Variants in NUDT13 observed in about 807,000 individuals in gnomAD.
The protein encoded by NUDT13 is NAD(P)H pyrophosphatase NUDT13, mitochondrial.
In NUDT13, 40 loss-of-function variants were observed where a neutral mutation model predicts 41.7. That is an observed-to-expected ratio of 0.96 (90% CI 0.75 to 1.25). The LOEUF is 1.25. NUDT13 is among the 50% of genes most tolerant of loss of function. NUDT13 has a pLI of 0.00. For missense variants in NUDT13, 390 were observed against 416.1 expected, an observed-to-expected ratio of 0.94 and a Z score of 0.55; for synonymous variants, 145 against 155.5, an observed-to-expected ratio of 0.93 and a Z score of 0.50.
At chr10:73,120,272 G>T in intron 3 of NUDT13, 115 bp downstream of exon 3, 7 of 1,058,096 alleles carry the variant, frequency 6.6e-6, no homozygotes, top group Non-Finnish European at 9.3e-6. Flanking sequence ...TTTTCAGAAA[G>T]CTTTTGAGTC....
intron 7 of NUDT13, 44 bp from the exon 8 acceptor site, chr10:73,126,616 GTCTGTATCACCCT>G: frequency 6.3e-7 from 1 of 1,579,772 alleles, no homozygotes; most frequent in Non-Finnish European, 8.6e-7. Flanking sequence ...CAAATGGGCT[GTCTGTATCACCCT>G]TCTAGCCTAC....
chr10:73,121,886 A>G (rs1018239253), intron 3 of NUDT13, among the ~76,000 whole-genome samples: 4 of 152,128 alleles, frequency 2.6e-5, no homozygotes, highest in African/African-American at 7.2e-5. Flanking sequence ...ACTATCATGC[A>G]TCTTACTAAC....
At position 73,126,742 on chromosome 10, in the gene NUDT13, A is replaced by G. The variant is rs544490016; in HGVS notation, c.773A>G (p.Gln258Arg). ...GTGGGATTGGAGGTGGAAAGCCTGC[A>G]GTACTATGCATCCCAGCATTGGCCC... ...EEVGLEVESL[Q>R]YYASQHWPFP... is the part of the protein sequence containing the mutation. The change falls in exon 8 of 9, where the codon CAG (glutamine) becomes CGG (arginine). Residue 258 changes from glutamine (Q) to arginine (R), a missense_variant. Physicochemically the swap from Gln to Arg is conservative, Grantham distance 43. Coordinates refer to ENST00000357321, the MANE Select transcript of NUDT13 (RefSeq NM_015901.6). The G allele has an allele frequency of 1.9e-6, 3 of 1,614,130 alleles. No homozygotes were observed. The African/African-American group carries it at 4.0e-5, about 22-fold the overall frequency.
chr10:73,117,425 C>T (rs949039739), intron 2 of NUDT13, among the ~76,000 whole-genome samples: 15 of 151,124 alleles, frequency 9.9e-5, no homozygotes, highest in African/African-American at 2.9e-4. Flanking sequence ...GGTGTGGTGG[C>T]GGGCACCTGT....
chr10:73,129,086 T>C (rs1393377017), intron 8 of NUDT13, among the ~76,000 whole-genome samples: 2 of 152,086 alleles, frequency 1.3e-5, no homozygotes, highest in African/African-American at 4.8e-5. Context: ...ATTGGTCTTA[T>C]TGCTCAAGTC....
intron 8 of NUDT13, among the ~76,000 whole-genome samples, chr10:73,129,469 C>T (rs1379666662): frequency 1.3e-5 from 2 of 151,964 alleles, no homozygotes; most frequent in Non-Finnish European, 1.5e-5. Flanking sequence ...CCACCATGCC[C>T]GGCTAGACAT....
Position 73,126,749 on chromosome 10 carries a change from T to C in NUDT13, c.780T>C (p.Tyr260=), listed in dbSNP as rs1037442100. 6.2e-7 allele frequency: 1 copy of C among 1,614,168 alleles called. No individual in the cohort carries two copies. Among genetic ancestry groups the C allele is most frequent in the East Asian group, 2.2e-5 (1 of 44,888 alleles). Residue 260 remains tyrosine, a synonymous_variant, in exon 8 of 9, where the codon TAT becomes TAC. Transcript: ENST00000357321. ...TGGAGGTGGAAAGCCTGCAGTACTATGCATCCCAGCATTGGCCCTTCCCTA... is the reference window on the plus strand; with the variant it reads ...TGGAGGTGGAAAGCCTGCAGTACTACGCATCCCAGCATTGGCCCTTCCCTA... ...VGLEVESLQY[Y]ASQHWPFPSG...
At chr10:73,113,487 G>C (rs1363789569) in intron 1 of NUDT13, among the ~76,000 whole-genome samples, 1 of 152,036 alleles carries the variant, frequency 6.6e-6, no homozygotes, top group East Asian at 1.9e-4. Flanking sequence ...TAATCTCCTA[G>C]AGTGCTTTGC....
At position 73,114,457 on chromosome 10, in the gene NUDT13, T is replaced by C; in HGVS notation, c.83+9T>C. On this transcript the variant is annotated intron_variant, in intron 2 of 8. Transcript: ENST00000357321. ...TATGTTACTAAGACACGGTGAGTTT[T>C]AGCCAACCTGAGCTTTGATTATTCT... 4 of 1,519,836 alleles carry C rather than the reference T, an allele frequency of 2.6e-6. No individual in the cohort carries two copies. The highest frequency in any genetic ancestry group is 3.6e-6 in the Non-Finnish European group (4 of 1,113,058). 94.1% of individuals were successfully genotyped at this position (1,519,836 alleles called of 1,614,324 possible). A position where few individuals can be genotyped will look rare whatever the true frequency, so the allele number is the denominator to read the frequency against.
At chr10:73,127,287 G>A (rs1237784927) in intron 8 of NUDT13, among the ~76,000 whole-genome samples, 1 of 152,020 alleles carries the variant, frequency 6.6e-6, no homozygotes, top group East Asian at 1.9e-4. Context: ...GCTGAGGCAG[G>A]AGAATCGCTT....
intron 2 of NUDT13, among the ~76,000 whole-genome samples, chr10:73,116,097 T>A (rs988197374): frequency 2.1e-4 from 32 of 151,960 alleles, no homozygotes; most frequent in African/African-American, 7.5e-4. Context: ...AGCCTCAACC[T>A]CCCAGGCTGA....
chr10:73,125,536 G>T, intron 7 of NUDT13, 27 bp downstream of exon 7: 1 of 1,386,676 alleles, frequency 7.2e-7, no homozygotes. Context: ...ATATACAGGT[G>T]ACACTGGAAG....
chr10:73,114,708 G>C (rs1259218643), intron 2 of NUDT13, among the ~76,000 whole-genome samples: 1 of 151,462 alleles, frequency 6.6e-6, no homozygotes, highest in Non-Finnish European at 1.5e-5. Flanking sequence ...AGACCTCAGG[G>C]GCAGGCCTCA....
chr10:73,110,944 A>G (rs1170966756), intron 1 of NUDT13, among the ~76,000 whole-genome samples: 1 of 152,068 alleles, frequency 6.6e-6, no homozygotes, highest in African/African-American at 2.4e-5. Flanking sequence ...AGTTTTCCAT[A>G]TTTCCCTGTC....
intron 2 of NUDT13, chr10:73,119,486 C>T: frequency 1.0e-6 from 1 of 985,756 alleles, no homozygotes; most frequent in Non-Finnish European, 1.2e-6. Context: ...AGTGTTTACT[C>T]TTTGTCTGCT....
intron 1 of NUDT13, among the ~76,000 whole-genome samples, chr10:73,113,696 A>G (rs1417488009): frequency 6.6e-6 from 1 of 152,232 alleles, no homozygotes; most frequent in Admixed American, 6.5e-5. Context: ...GCTAGGACAT[A>G]GATTGTAGCC....
intron 3 of NUDT13, among the ~76,000 whole-genome samples, chr10:73,121,811 C>T (rs1842651478): frequency 6.6e-6 from 1 of 152,134 alleles, no homozygotes; most frequent in South Asian, 2.1e-4. Context: ...CTCCCTGCCC[C>T]CCAGCCTTGG....
At chr10:73,111,133 C>T (rs1279017824) in intron 1 of NUDT13, among the ~76,000 whole-genome samples, 1 of 152,108 alleles carries the variant, frequency 6.6e-6, no homozygotes, top group African/African-American at 2.4e-5. Flanking sequence ...CCCGCCACCA[C>T]GCCCAGCCAC....
intron 2 of NUDT13, among the ~76,000 whole-genome samples, chr10:73,116,126 T>A (rs1440061253): frequency 2.0e-5 from 3 of 151,970 alleles, no homozygotes; most frequent in Non-Finnish European, 4.4e-5. Context: ...TCCCACCAAG[T>A]AGCTAGGATC....
Sources: allele counts gnomAD v4.1 joint callset (sites outside exome capture counted in the v4.1 genomes callset), GRCh38; gene constraint gnomAD v4.1.1; transcripts MANE v1.5; gene names NCBI Gene and HGNC (gene_info 2026-07-23, HGNC 2026-07-21).